SKAP2: variants seen among roughly 807,000 people sequenced by gnomAD.
SKAP2 encodes src kinase associated phosphoprotein 2.
A neutral mutation model predicts 54.9 loss-of-function variants in SKAP2; 28 were observed. That is an observed-to-expected ratio of 0.51 (90% confidence interval 0.38 to 0.70). The LOEUF is 0.70. Among genes scored for constraint, SKAP2 ranks in the 30% least tolerant of loss-of-function variants. SKAP2 has a pLI of 0.00. For missense variants in SKAP2, 356 were observed against 424.1 expected (o/e 0.84, Z 1.41); for synonymous variants, 137 against 134.3 (o/e 1.02, Z -0.14).
At chr7:26,833,519 G>A (rs2127993065) in intron 4 of SKAP2, among the ~76,000 whole-genome samples, 1 of 152,130 alleles carries the variant, frequency 6.6e-6, no homozygotes, top group African/African-American at 2.4e-5. Context: ...ATAAAGGGAT[G>A]GAGGAATATT....
chr7:26,853,428 T>C (rs1276967197), intron 3 of SKAP2, among the ~76,000 whole-genome samples: 1 of 152,222 alleles, frequency 6.6e-6, no homozygotes, highest in African/African-American at 2.4e-5. Flanking sequence ...CCCTAAAGAA[T>C]TGAATATATA....
At chr7:26,757,612 C>A (rs1410656773) in intron 4 of SKAP2, among the ~76,000 whole-genome samples, 1 of 152,280 alleles carries the variant, frequency 6.6e-6, no homozygotes, top group East Asian at 1.9e-4. Flanking sequence ...TAGCGTGATG[C>A]CTCCAGCTTT....
downstream of SKAP2, among the ~76,000 whole-genome samples, chr7:26,665,308 G>C (rs1214354052): frequency 6.6e-6 from 1 of 152,132 alleles, no homozygotes; most frequent in Non-Finnish European, 1.5e-5. Context: ...AAGAAAGGAA[G>C]GAAACATCTA....
At chr7:26,791,374 C>T (rs1783671206) in intron 4 of SKAP2, among the ~76,000 whole-genome samples, 1 of 151,924 alleles carries the variant, frequency 6.6e-6, no homozygotes, top group South Asian at 2.1e-4. Context: ...AGGGTTCTCA[C>T]TTTTTTGCCC....
chr7:26,825,539 G>C (rs1784471788), intron 4 of SKAP2, among the ~76,000 whole-genome samples: 1 of 137,572 alleles, frequency 7.3e-6, no homozygotes, highest in Admixed American at 7.8e-5. Flanking sequence ...CTCATACATT[G>C]CTAAAAAGAG....
At chr7:26,825,413 T>A (rs1784469100) in intron 4 of SKAP2, among the ~76,000 whole-genome samples, 1 of 152,102 alleles carries the variant, frequency 6.6e-6, no homozygotes, top group South Asian at 2.1e-4. Flanking sequence ...CAAATTAAAT[T>A]CAAACAATCT....
chr7:26,860,198 T>G (rs187032655), intron 1 of SKAP2, among the ~76,000 whole-genome samples: 1 of 152,328 alleles, frequency 6.6e-6, no homozygotes, highest in East Asian at 1.9e-4. Context: ...AAGAGCCTTA[T>G]ATAGTAATGA....
At chr7:26,802,460 A>T (rs2127985111) in intron 4 of SKAP2, among the ~76,000 whole-genome samples, 1 of 152,058 alleles carries the variant, frequency 6.6e-6, no homozygotes, top group African/African-American at 2.4e-5. Context: ...TAGTAGAGAC[A>T]GGGTTTCTCC....
chr7:26,718,669 C>CTAA (rs1306669282), intron 9 of SKAP2, among the ~76,000 whole-genome samples: 8 of 152,016 alleles, frequency 5.3e-5, no homozygotes, highest in Admixed American at 5.2e-4. Context: ...CCACGCCCAG[C>CTAA]TAATTTTTGT....
At chr7:26,689,725 C>G (rs1317606822) in intron 10 of SKAP2, among the ~76,000 whole-genome samples, 1 of 152,160 alleles carries the variant, frequency 6.6e-6, no homozygotes, top group African/African-American at 2.4e-5. Flanking sequence ...AATTAGCAGT[C>G]TTAAGTTTAT....
At chr7:26,757,909 G>A (rs182489248) in intron 4 of SKAP2, among the ~76,000 whole-genome samples, 2,422 of 152,100 alleles carry the variant, frequency 0.016, 61 homozygotes, top group African/African-American at 0.054. Context: ...CTACAGGCAC[G>A]TGCCACCACG....
chr7:26,684,804 C>T lies in SKAP2; in HGVS notation c.919G>A (p.Asp307Asn), dbSNP rs1344115486. The T allele has an allele frequency of 1.2e-6, 2 of 1,612,632 alleles. No homozygotes were observed. The highest frequency in any genetic ancestry group is 2.2e-5 in the East Asian group (1 of 44,778). ...TCATCAGAAAAAGCTCCAGTACAAT[C>T]CCACAATCCCTGGTAAAAATTAGCA... is the stretch of plus-strand genomic sequence containing the variant. ...DYANFYQGLW[D>N]CTGAFSDELS... is the part of the protein sequence containing the mutation. Residue 307 changes from aspartate to asparagine, a missense_variant, in exon 11 of 13, where the codon GAT becomes AAT. Asp to Asn is a conservative substitution (Grantham distance 23). Transcript: ENST00000345317.
intron 4 of SKAP2, among the ~76,000 whole-genome samples, chr7:26,773,479 A>C (rs569282569): frequency 1.2e-4 from 18 of 152,348 alleles, no homozygotes; most frequent in African/African-American, 3.8e-4. Flanking sequence ...AACATCAACA[A>C]ATGCCAGTTT....
At chr7:26,681,667 A>G (rs181295074) in intron 11 of SKAP2, among the ~76,000 whole-genome samples, 4 of 152,356 alleles carry the variant, frequency 2.6e-5, no homozygotes, top group Admixed American at 2.6e-4. Context: ...TGAGTCCATT[A>G]CTAAAAGAAA....
chr7:26,728,735 G>A (rs553569557), intron 6 of SKAP2, among the ~76,000 whole-genome samples: 5 of 152,044 alleles, frequency 3.3e-5, no homozygotes, highest in Non-Finnish European at 7.4e-5. Flanking sequence ...TGTTCACTAC[G>A]AAAAGTGGAA....
intron 4 of SKAP2, among the ~76,000 whole-genome samples, chr7:26,752,310 A>G (rs1004311284): frequency 6.6e-6 from 1 of 152,180 alleles, no homozygotes; most frequent in African/African-American, 2.4e-5. Flanking sequence ...AATTTCTCCC[A>G]TGGTTCTCAA....
rs1784490971 is a variant in SKAP2, at chr7:26,826,178, A to C, written c.307+17852T>G. 2.6e-5 allele frequency among the ~76,000 whole-genome samples: 4 copies of C among 152,070 alleles called. No individual in the cohort carries two copies. The South Asian group carries it at 8.3e-4, about 32-fold the overall frequency. On this transcript the variant is annotated intron_variant, in intron 4 of 12. Transcript: ENST00000345317. ...TTGATTTAGAATAAGCACATAACCC[A>C]AGCCAAGGATTCCTGCTGCAATTCT...
intron 4 of SKAP2, among the ~76,000 whole-genome samples, chr7:26,813,717 T>C (rs1784204628): frequency 6.6e-6 from 1 of 152,236 alleles, no homozygotes; most frequent in Non-Finnish European, 1.5e-5. Context: ...CATTAGCCAC[T>C]ACTCAGTGTA....
chr7:26,676,079 T>A (rs1786343764), intron 11 of SKAP2, among the ~76,000 whole-genome samples: 1 of 152,236 alleles, frequency 6.6e-6, no homozygotes, highest in Admixed American at 6.5e-5. Context: ...TATATTTATA[T>A]TCTTCATTGA....
Sources: allele counts gnomAD v4.1 joint callset (sites outside exome capture counted in the v4.1 genomes callset), GRCh38; gene constraint gnomAD v4.1.1; transcripts MANE v1.5; gene names NCBI Gene and HGNC (gene_info 2026-07-23, HGNC 2026-07-21).